Variants in SRPK1 observed in about 807,000 individuals in gnomAD.
SRPK1 encodes SFRS protein kinase 1.
SRPK1 carries 52 observed loss-of-function variants against 89.5 expected under a neutral mutation model. The observed-to-expected ratio is 0.58, with a 90% CI of 0.46 to 0.73. SRPK1 has a LOEUF of 0.73. Ranked by LOEUF, SRPK1 falls within the 30% of genes least tolerant of loss-of-function variation. SRPK1 has a pLI of 0.00. For missense variants in SRPK1, 603 were observed against 780.6 expected (o/e 0.77, Z 2.71); for synonymous variants, 255 against 270.2 (o/e 0.94, Z 0.55).
intron 13 of SRPK1, among the ~76,000 whole-genome samples, chr6:35,847,927 A>G (rs1769460070): frequency 6.6e-6 from 1 of 151,744 alleles, no homozygotes; most frequent in Non-Finnish European, 1.5e-5. Context: ...TCCCAGCCTC[A>G]GGTGATTCTC....
At chr6:35,900,000 C>CA (rs900674018) in intron 2 of SRPK1, among the ~76,000 whole-genome samples, 2,974 of 130,924 alleles carry the variant, frequency 0.023, 49 homozygotes, top group African/African-American at 0.048. Flanking sequence ...GACTCCATCG[C>CA]AAAAAAAAAA....
At chr6:35,903,206 A>G (rs187036555) in intron 2 of SRPK1, among the ~76,000 whole-genome samples, 3 of 152,158 alleles carry the variant, frequency 2.0e-5, no homozygotes, top group Non-Finnish European at 4.4e-5. Context: ...GCTTACCCTA[A>G]TATTTCAGGA....
chr6:35,836,286 C>T (rs979500082), intron 15 of SRPK1, among the ~76,000 whole-genome samples: 1 of 151,952 alleles, frequency 6.6e-6, no homozygotes, highest in Non-Finnish European at 1.5e-5. Flanking sequence ...CAAACCACCC[C>T]CCAACCCCCC....
At chr6:35,867,137 TATACCTCATGAACATATACAA>T (rs1223444099) in intron 12 of SRPK1, among the ~76,000 whole-genome samples, 2 of 152,126 alleles carry the variant, frequency 1.3e-5, no homozygotes, top group African/African-American at 4.8e-5. Flanking sequence ...AAACTGCACT[TATACCTCATGAACATATACAA>T]ATTAAAAAAA....
In SRPK1 at chr6:35,869,892, C is replaced by T; in HGVS notation, c.1001G>A (p.Ser334Asn). 6.4e-7 allele frequency: 1 copy of T among 1,559,216 alleles called. No homozygotes were observed. Among genetic ancestry groups the T allele is most frequent in the Non-Finnish European group, 8.7e-7 (1 of 1,155,716 alleles). ...AAGCGTTTGATCCTGGCCAATGGTA[C>T]TTGACTCTTCTAAGGAACAAACGAA... ...KMTQEKLEES[S>N]TIGQDQTLME... Residue 334 changes from serine (S) to asparagine (N), a missense_variant, in exon 11 of 16, where the codon AGT (serine) becomes AAT (asparagine). Coordinates refer to ENST00000373825, the MANE Select transcript of SRPK1 (RefSeq NM_003137.5).
chr6:35,919,585 CAAG>C lies in SRPK1; in HGVS notation c.74+880_74+882del, dbSNP rs142643957. Among the ~76,000 whole-genome samples the C allele has an allele frequency of 9.6e-4, 146 of 152,310 alleles. 1 individual carries two copies. The East Asian group carries it at 0.027, about 29-fold the overall frequency. ...TACAAAGTGTGTAAGAGCTGATTTC[CAAG>C]ATCCTTTGCAATTAAACGTTAGTAC... On this transcript the variant is annotated intron_variant, in intron 2 of 15. Transcript: ENST00000373825.
chr6:35,849,151 C>A (rs537156360), intron 13 of SRPK1, among the ~76,000 whole-genome samples: 19 of 151,910 alleles, frequency 1.3e-4, no homozygotes, highest in Non-Finnish European at 2.5e-4. Flanking sequence ...AACAAACAAA[C>A]AAACCCAATT....
chr6:35,882,014 GA>G lies in SRPK1; in HGVS notation c.478+4709del, dbSNP rs1260044477. Among the ~76,000 whole-genome samples, 9 of 148,056 alleles carry G rather than the reference GA, an allele frequency of 6.1e-5. No individual in the cohort carries two copies. In the East Asian group the frequency reaches 1.8e-3, roughly 29 times the overall value. ...GTTATGTGTATTTTACCACAATAAAGAAAAAATTAGACCAAAGAGGAAGAAG... is the reference window on the plus strand; with the variant it reads ...GTTATGTGTATTTTACCACAATAAAGAAAAATTAGACCAAAGAGGAAGAAG... On this transcript the variant is annotated intron_variant, in intron 6 of 15. Coordinates refer to ENST00000373825, the MANE Select transcript of SRPK1 (RefSeq NM_003137.5).
intron 6 of SRPK1, among the ~76,000 whole-genome samples, chr6:35,883,249 C>T (rs1019087791): frequency 6.6e-6 from 1 of 151,940 alleles, no homozygotes; most frequent in African/African-American, 2.4e-5. Context: ...ACTAGCTGGG[C>T]GTGGTGGTGT....
rs547689742 is a variant in SRPK1 at position 35,895,019 on chromosome 6, G to C, written c.75-4006C>G. Among the ~76,000 whole-genome samples the C allele has an allele frequency of 9.2e-5, 14 of 152,222 alleles. No homozygotes were observed. The South Asian group carries it at 2.7e-3, about 29-fold the overall frequency. ...CTGACCTAGAGCCAGAGACCAGAGA[G>C]CTCTGAGAGATTCCGGGGAAAAAAA... On this transcript the variant is annotated intron_variant, in intron 2 of 15. Transcript: ENST00000373825.
At chr6:35,847,828 T>A (rs1170993235) in intron 13 of SRPK1, among the ~76,000 whole-genome samples, 1 of 152,078 alleles carries the variant, frequency 6.6e-6, no homozygotes, top group Non-Finnish European at 1.5e-5. Context: ...GATTTATTTT[T>A]ATTTTATTTT....
At chr6:35,909,974 A>G (rs1770926848) in intron 2 of SRPK1, among the ~76,000 whole-genome samples, 1 of 151,408 alleles carries the variant, frequency 6.6e-6, no homozygotes, top group African/African-American at 2.4e-5. Flanking sequence ...AGATTAATAC[A>G]AGCCTCATTT....
At chr6:35,902,250 AAAG>A (rs1166527216) in intron 2 of SRPK1, among the ~76,000 whole-genome samples, 3 of 150,706 alleles carry the variant, frequency 2.0e-5, no homozygotes, top group Non-Finnish European at 3.0e-5. Flanking sequence ...AAAAAAAAAA[AAAG>A]AAAAAAAAGA....
At chr6:35,848,612 A>T (rs1325395570) in intron 13 of SRPK1, among the ~76,000 whole-genome samples, 2 of 152,166 alleles carry the variant, frequency 1.3e-5, no homozygotes, top group East Asian at 3.8e-4. Context: ...TATACTACAA[A>T]GCTACAGTAA....
At chr6:35,892,335 T>C (rs1303304900) in intron 2 of SRPK1, among the ~76,000 whole-genome samples, 12 of 152,162 alleles carry the variant, frequency 7.9e-5, no homozygotes, top group Non-Finnish European at 1.6e-4. Context: ...CACTTATTAG[T>C]TGCCTGTCTT....
chr6:35,866,855 T>G (rs540041797), intron 12 of SRPK1, among the ~76,000 whole-genome samples: 114 of 152,166 alleles, frequency 7.5e-4, no homozygotes, highest in Middle Eastern at 6.8e-3. Flanking sequence ...TGAAATCATG[T>G]GTTTTGCAGC....
intron 2 of SRPK1, among the ~76,000 whole-genome samples, chr6:35,897,881 C>G (rs1043979326): frequency 6.6e-6 from 1 of 152,182 alleles, no homozygotes; most frequent in African/African-American, 2.4e-5. Flanking sequence ...AAATGTCCAA[C>G]AAGAGGTGGG....
In SRPK1 at chr6:35,914,026, A is replaced by G. The variant is rs572624947; in HGVS notation, c.74+6442T>C. Among the ~76,000 whole-genome samples the G allele has an allele frequency of 9.1e-5, 11 of 121,532 alleles. No individual in the cohort carries two copies. In the South Asian group the frequency reaches 2.9e-3, roughly 32 times the overall value. The allele number at this position is 121,532 out of a possible 152,430, so 79.7% of individuals were successfully genotyped here. A position where few individuals can be genotyped will look rare whatever the true frequency, so the allele number is the denominator to read the frequency against. ...GTTTTGCTCTTGTCGCCCAGGCTGG[A>G]GTGCAATGGCACGATCTCGGCTCAC... On this transcript the variant is annotated intron_variant, in intron 2 of 15. Transcript: ENST00000373825.
intron 2 of SRPK1, among the ~76,000 whole-genome samples, chr6:35,916,617 T>G (rs943460242): frequency 9.9e-5 from 15 of 152,188 alleles, no homozygotes; most frequent in African/African-American, 3.6e-4. Flanking sequence ...GCTGAATTAA[T>G]TTTACTACCA....
Sources: allele counts gnomAD v4.1 joint callset (sites outside exome capture counted in the v4.1 genomes callset), GRCh38; gene constraint gnomAD v4.1.1; transcripts MANE v1.5; gene names NCBI Gene and HGNC (gene_info 2026-07-23, HGNC 2026-07-21).